The following PARD3B variants were observed in gnomAD, a reference collection of about 807,000 sequenced individuals.
The protein encoded by PARD3B is par-3 family cell polarity regulator beta.
PARD3B carries 103 observed loss-of-function variants against 130.2 expected under a neutral mutation model. The ratio of observed to expected loss-of-function variants is 0.79; its 90% CI spans 0.67 to 0.93. PARD3B has a LOEUF of 0.93. Among genes scored for constraint, PARD3B ranks in the 40% least tolerant of loss-of-function variants. The pLI is 0.00. For missense variants in PARD3B, 1,609 were observed against 1,499.2 expected, an observed-to-expected ratio of 1.07 and a Z score of -1.21; for synonymous variants, 583 against 553.2, an observed-to-expected ratio of 1.05 and a Z score of -0.76.
At chr2:204,846,379 A>G (rs1021373897) in intron 2 of PARD3B, among the ~76,000 whole-genome samples, 2 of 152,058 alleles carry the variant, frequency 1.3e-5, no homozygotes, top group Admixed American at 1.3e-4. Context: ...ACTTTTGATC[A>G]GGCATTCAAA....
intron 18 of PARD3B, among the ~76,000 whole-genome samples, chr2:205,317,121 C>T (rs2042589379): frequency 6.6e-6 from 1 of 152,102 alleles, no homozygotes; most frequent in Admixed American, 6.6e-5. Flanking sequence ...ATAACCAGAG[C>T]ATCCTTGAAT....
chr2:205,604,102 A>G (rs2054893075), intron 22 of PARD3B, among the ~76,000 whole-genome samples: 1 of 152,136 alleles, frequency 6.6e-6, no homozygotes, highest in African/African-American at 2.4e-5. Flanking sequence ...TCCTTTGCTT[A>G]TGAAGCTTAG....
chr2:204,729,836 T>A (rs79949117), intron 2 of PARD3B, among the ~76,000 whole-genome samples: 2,031 of 152,116 alleles, frequency 0.013, 46 homozygotes, highest in African/African-American at 0.045. Flanking sequence ...TAAAAAAAAA[T>A]TTTTTGTTTA....
At position 205,433,464 on chromosome 2, in the gene PARD3B, G is replaced by A. The variant is rs2047405459; in HGVS notation, c.2742-6906G>A. ...GGAGAATCACCTGAACCCGGGCAGTGGAGGTTGCAGTGAGCTGAGATCACG... is the reference window on the plus strand; with the variant it reads ...GGAGAATCACCTGAACCCGGGCAGTAGAGGTTGCAGTGAGCTGAGATCACG... On this transcript the variant is annotated intron_variant, in intron 19 of 22. Coordinates refer to ENST00000406610, the MANE Select transcript of PARD3B (RefSeq NM_001302769.2). 3.3e-5 allele frequency among the ~76,000 whole-genome samples: 5 copies of A among 149,614 alleles called. No individual in the cohort carries two copies. The South Asian group carries it at 1.0e-3, about 31-fold the overall frequency.
intron 15 of PARD3B, among the ~76,000 whole-genome samples, chr2:205,227,987 T>C (rs1220994175): frequency 1.3e-5 from 2 of 152,194 alleles, no homozygotes; most frequent in Non-Finnish European, 2.9e-5. Context: ...ATGAAAATTC[T>C]GCACTTTAAC....
intron 2 of PARD3B, among the ~76,000 whole-genome samples, chr2:204,879,772 G>C (rs1263557723): frequency 6.6e-6 from 1 of 152,202 alleles, no homozygotes; most frequent in Non-Finnish European, 1.5e-5. Context: ...GGTTTGGCCT[G>C]TATTCTTACT....
chr2:205,578,549 A>G (rs2053848897), intron 22 of PARD3B, among the ~76,000 whole-genome samples: 1 of 152,220 alleles, frequency 6.6e-6, no homozygotes, highest in Non-Finnish European at 1.5e-5. Context: ...TAAATAAAAC[A>G]TGTATCCTTA....
At chr2:205,444,900 A>T (rs932851835) in intron 20 of PARD3B, among the ~76,000 whole-genome samples, 1 of 152,226 alleles carries the variant, frequency 6.6e-6, no homozygotes, top group Non-Finnish European at 1.5e-5. Flanking sequence ...TTGGCCACTA[A>T]AAGGTCATCA....
chr2:205,596,496 G>A (rs1432312093), intron 22 of PARD3B, among the ~76,000 whole-genome samples: 1 of 152,146 alleles, frequency 6.6e-6, no homozygotes, highest in Non-Finnish European at 1.5e-5. Flanking sequence ...GCCCAGCTTG[G>A]GGCTTTGGAA....
chr2:204,853,240 C>T (rs925208514), intron 2 of PARD3B, among the ~76,000 whole-genome samples: 2 of 151,846 alleles, frequency 1.3e-5, no homozygotes, highest in African/African-American at 2.4e-5. Context: ...ATTGTAGTAC[C>T]ATGTGCAATA....
chr2:204,674,072 T>C lies in PARD3B; in HGVS notation c.121-12109T>C, dbSNP rs140379102. Among the ~76,000 whole-genome samples the C allele has an allele frequency of 1.2e-3, 189 of 152,306 alleles. 1 individual carries two copies. The highest frequency in any genetic ancestry group is 4.4e-3 in the African/African-American group (184 of 41,558). On this transcript the variant is annotated intron_variant, in intron 1 of 22. Coordinates refer to ENST00000406610, the MANE Select transcript of PARD3B (RefSeq NM_001302769.2). ...CCTTTCTGTTTCTCATTGTCTTCAT[T>C]TGTATGACAAATGCATAATGAATGT...
chr2:205,285,596 T>C (rs1177581204), intron 16 of PARD3B, among the ~76,000 whole-genome samples: 2 of 152,176 alleles, frequency 1.3e-5, no homozygotes, highest in African/African-American at 4.8e-5. Context: ...CCATGAGCAC[T>C]CTGCAGTGGA....
chr2:204,818,675 A>C (rs1005114542), intron 2 of PARD3B, among the ~76,000 whole-genome samples: 2 of 152,236 alleles, frequency 1.3e-5, no homozygotes, highest in Non-Finnish European at 2.9e-5. Context: ...GTGCCATCCA[A>C]TTATAACTTG....
chr2:205,490,358 G>A (rs2049649509), intron 20 of PARD3B, among the ~76,000 whole-genome samples: 1 of 151,702 alleles, frequency 6.6e-6, no homozygotes, highest in African/African-American at 2.4e-5. Flanking sequence ...GCGAGAACGT[G>A]CGGTGTTTAG....
intron 4 of PARD3B, among the ~76,000 whole-genome samples, chr2:205,083,185 C>T (rs1411660827): frequency 1.3e-5 from 2 of 151,884 alleles, no homozygotes; most frequent in Non-Finnish European, 1.5e-5. Context: ...TCGCAAAGTG[C>T]TGGGATTACA....
intron 2 of PARD3B, among the ~76,000 whole-genome samples, chr2:204,952,727 G>A (rs567220150): frequency 6.6e-6 from 1 of 152,060 alleles, no homozygotes; most frequent in African/African-American, 2.4e-5. Flanking sequence ...GGTCAGGCGC[G>A]GTGGCTCACG....
Position 204,877,164 on chromosome 2 carries a change from G to A in PARD3B, c.223-87988G>A, listed in dbSNP as rs189067871. ...AAGGACAGAAAACCGAACACCGCATGTTCTCACTCATAGGTGGGAACTGAA... is the reference window on the plus strand; with the variant it reads ...AAGGACAGAAAACCGAACACCGCATATTCTCACTCATAGGTGGGAACTGAA... On this transcript the variant is annotated intron_variant, in intron 2 of 22. Coordinates refer to ENST00000406610, the MANE Select transcript of PARD3B (RefSeq NM_001302769.2). Among the ~76,000 whole-genome samples, 506 of 152,186 alleles carry A rather than the reference G, an allele frequency of 3.3e-3. 1 individual carries two copies. Among genetic ancestry groups the A allele is most frequent in the Non-Finnish European group, 5.6e-3 (381 of 68,012 alleles).
intron 1 of PARD3B, among the ~76,000 whole-genome samples, chr2:204,571,527 T>C (rs2125068664): frequency 6.6e-6 from 1 of 152,292 alleles, no homozygotes; most frequent in African/African-American, 2.4e-5. Context: ...AAGTTTCTCA[T>C]AATAATTCCC....
At chr2:205,364,152 A>G (rs2668153) in intron 18 of PARD3B, among the ~76,000 whole-genome samples, 18,672 of 152,086 alleles carry the variant, frequency 0.12, 1,235 homozygotes, top group Middle Eastern at 0.14. Context: ...AAAGAAGCAT[A>G]TTTTGCATTT....
Sources: allele counts gnomAD v4.1 joint callset (sites outside exome capture counted in the v4.1 genomes callset), GRCh38; gene constraint gnomAD v4.1.1; transcripts MANE v1.5; gene names NCBI Gene and HGNC (gene_info 2026-07-23, HGNC 2026-07-21).